PCDHGA1: variants seen among roughly 807,000 people sequenced by gnomAD.
PCDHGA1 encodes the protein protocadherin gamma-A1.
PCDHGA1 carries 32 observed loss-of-function variants against 58.0 expected under a neutral mutation model. The observed-to-expected ratio is 0.55, with a 90% CI of 0.42 to 0.74. PCDHGA1 has a LOEUF of 0.74. PCDHGA1 is among the 30% of genes least tolerant of loss of function. The probability of loss-of-function intolerance (pLI) is 0.00; values close to 1 mark genes in which losing one functional copy is unlikely to be tolerated. For missense variants in PCDHGA1, 1,205 were observed against 1,182.3 expected, an observed-to-expected ratio of 1.02 and a Z score of -0.28; for synonymous variants, 498 against 501.1, an observed-to-expected ratio of 0.99 and a Z score of 0.08.
At position 141,476,318 on chromosome 5, in the gene PCDHGA1, G is replaced by A. The variant is rs767809530; in HGVS notation, c.2422-18489G>A. ...TAGCCTCTCAGCCCGCAGGTTCCGG[G>A]TGGTGTCTGGAGCTAGCCGAAGATT... is the stretch of plus-strand genomic sequence containing the variant. On this transcript the variant is annotated intron_variant, in intron 1 of 3. Coordinates refer to ENST00000517417, the MANE Select transcript of PCDHGA1 (RefSeq NM_018912.3). This position sits in a 1 kb window ranked among gnomAD's most constrained non-coding sequence, Gnocchi z 7.6. The A allele has an allele frequency of 6.2e-6, 10 of 1,614,084 alleles. No homozygotes were observed. Among genetic ancestry groups the A allele is most frequent in the Non-Finnish European group, 7.6e-6 (9 of 1,180,060 alleles).
At position 141,399,508 on chromosome 5, in the gene PCDHGA1, A is replaced by C. The variant is rs780948105; in HGVS notation, c.2421+66403A>C. ...CTACTTAGTCAGTGTACCCGAAAAC[A>C]ACCCTCCTGGGGCCTCCATCGCGCA... On this transcript the variant is annotated intron_variant, in intron 1 of 3. Coordinates refer to ENST00000517417, the MANE Select transcript of PCDHGA1 (RefSeq NM_018912.3). 3.2e-5 allele frequency: 51 copies of C among 1,613,904 alleles called. No homozygotes were observed. In the African/African-American group the frequency reaches 6.7e-4, roughly 21 times the overall value.
At chr5:141,385,129 G>T in intron 1 of PCDHGA1, 1 of 1,614,200 alleles carries the variant, frequency 6.2e-7, no homozygotes, top group South Asian at 1.1e-5. Context: ...TGTGGGCATG[G>T]ACGGGGTGCA....
chr5:141,362,338 C>T lies in PCDHGA1; in HGVS notation c.2421+29233C>T, dbSNP rs760109365. ...TTTTCAGCCTGGTCTCAGCTCCAAG[C>T]CTGGACCTGGGGTTCTCCCCAATTA... On this transcript the variant is annotated intron_variant, in intron 1 of 3. Coordinates refer to ENST00000517417, the MANE Select transcript of PCDHGA1 (RefSeq NM_018912.3). The T allele has an allele frequency of 9.3e-6, 15 of 1,614,070 alleles. No homozygotes were observed. In the South Asian group the frequency reaches 1.6e-4, roughly 18 times the overall value.
At chr5:141,484,047 TC>T (rs1351554084) in intron 1 of PCDHGA1, among the ~76,000 whole-genome samples, 1 of 151,912 alleles carries the variant, frequency 6.6e-6, no homozygotes, top group African/African-American at 2.4e-5. Context: ...CTCCAAGAGG[TC>T]CCCTGGGGCT....
intron 1 of PCDHGA1, chr5:141,384,201 G>A (rs369190060): frequency 3.7e-6 from 6 of 1,613,802 alleles, no homozygotes; most frequent in Admixed American, 1.7e-5. Flanking sequence ...CCTTGTCCAG[G>A]GAAACTCACA....
intron 1 of PCDHGA1, chr5:141,405,033 T>TTGTGGC: frequency 6.2e-7 from 1 of 1,613,962 alleles, no homozygotes; most frequent in Non-Finnish European, 8.5e-7. Context: ...CTCTACCTCG[T>TTGTGGC]TGTGGCTGTG....
chr5:141,360,432 G>A lies in PCDHGA1; in HGVS notation c.2421+27327G>A, dbSNP rs753356248. Reference sequence around the variant, plus strand: ...ACCGAGAACAGATATGCGGGAAGCAGCCTCTGTGTGTTCTGGATTTCGATA... The same window carrying A: ...ACCGAGAACAGATATGCGGGAAGCAACCTCTGTGTGTTCTGGATTTCGATA... On this transcript the variant is annotated intron_variant, in intron 1 of 3. Coordinates refer to ENST00000517417, the MANE Select transcript of PCDHGA1 (RefSeq NM_018912.3). 45 of 1,613,876 alleles carry A rather than the reference G, an allele frequency of 2.8e-5. No homozygotes were observed. In the Admixed American group the frequency reaches 6.8e-4, roughly 25 times the overall value.
At chr5:141,365,022 C>G in intron 1 of PCDHGA1, 1 of 1,613,864 alleles carries the variant, frequency 6.2e-7, no homozygotes. Context: ...ATCCGTGTTA[C>G]GGTCCTCGAC....
intron 1 of PCDHGA1, among the ~76,000 whole-genome samples, chr5:141,433,395 CTATCTA>C (rs1561869588): frequency 2.0e-5 from 3 of 150,654 alleles, no homozygotes; most frequent in African/African-American, 7.3e-5. Flanking sequence ...ATCTATCTAT[CTATCTA>C]TCTATTACTT....
chr5:141,374,469 A>C (rs1770516740), intron 1 of PCDHGA1: 1 of 1,612,580 alleles, frequency 6.2e-7, no homozygotes, highest in Admixed American at 1.7e-5. Context: ...ATTAATGACA[A>C]TACACCCCGA....
At chr5:141,395,309 CATT>C in intron 1 of PCDHGA1, 1 of 1,506,030 alleles carries the variant, frequency 6.6e-7, no homozygotes, top group Non-Finnish European at 8.9e-7. Flanking sequence ...TTTTGAAAAA[CATT>C]GTGAAGATAG....
At chr5:141,407,549 T>C (rs1159197129) in intron 1 of PCDHGA1, among the ~76,000 whole-genome samples, 4 of 151,912 alleles carry the variant, frequency 2.6e-5, no homozygotes, top group African/African-American at 9.7e-5. Flanking sequence ...TAACAGATTG[T>C]AGAACATAAG....
At chr5:141,362,101 G>A in intron 1 of PCDHGA1, 1 of 1,613,846 alleles carries the variant, frequency 6.2e-7, no homozygotes, top group East Asian at 2.2e-5. Flanking sequence ...GCCACTCTCC[G>A]CTACGGCCAC....
At position 141,489,072 on chromosome 5, in the gene PCDHGA1, A is replaced by AC; in HGVS notation, c.2422-5730dup. The AC allele has an allele frequency of 1.3e-5, 2 of 157,710 alleles. No homozygotes were observed. Among genetic ancestry groups the AC allele is most frequent in the Non-Finnish European group, 1.2e-5 (1 of 83,996 alleles). 9.8% of individuals were successfully genotyped at this position (157,710 alleles called of 1,614,324 possible). A position where few individuals can be genotyped will look rare whatever the true frequency, so the allele number is the denominator to read the frequency against. On this transcript the variant is annotated intron_variant, in intron 1 of 3. Transcript: ENST00000517417. This position sits in a 1 kb window ranked among gnomAD's most constrained non-coding sequence, Gnocchi z 4.5. The stretch of plus-strand genomic sequence containing the variant: ...AATTCAGCTCCCCTCCCCCCTGCCC[A>AC]CCCCCGCCACTCGGTGACTAAGAAC...
chr5:141,371,323 AAGAG>A, intron 1 of PCDHGA1: 4 of 1,614,012 alleles, frequency 2.5e-6, no homozygotes, highest in Non-Finnish European at 3.4e-6. Flanking sequence ...CTGGACTTTG[AAGAG>A]AGAGATAGCT....
At chr5:141,465,150 G>A (rs192648619) in intron 1 of PCDHGA1, among the ~76,000 whole-genome samples, 474 of 151,492 alleles carry the variant, frequency 3.1e-3, no homozygotes, top group Middle Eastern at 0.024. Context: ...GATATATGAA[G>A]GGACTCTAAA....
chr5:141,347,781 C>T (rs1219258137), intron 1 of PCDHGA1, among the ~76,000 whole-genome samples: 1 of 145,442 alleles, frequency 6.9e-6, no homozygotes, highest in East Asian at 2.0e-4. Context: ...AGAGAGACTC[C>T]ATCTCAAAAA....
intron 1 of PCDHGA1, chr5:141,361,352 C>G: frequency 6.2e-7 from 1 of 1,613,998 alleles, no homozygotes; most frequent in Non-Finnish European, 8.5e-7. Flanking sequence ...AAACTAGTGA[C>G]AGACGGCGCT....
chr5:141,432,172 C>T lies in PCDHGA1; in HGVS notation c.2422-62635C>T, dbSNP rs562175068. ...AGAACAATCCCAGAGGAGTTTCCCT[C>T]GTCTCTGTGACCGCCCACGACCCCG... On this transcript the variant is annotated intron_variant, in intron 1 of 3. Coordinates refer to ENST00000517417, the MANE Select transcript of PCDHGA1 (RefSeq NM_018912.3). This position sits in a 1 kb window ranked among gnomAD's most constrained non-coding sequence, Gnocchi z 6.0. 22 of 1,614,152 alleles carry T rather than the reference C, an allele frequency of 1.4e-5. No individual in the cohort carries two copies. In the Admixed American group the frequency reaches 3.5e-4, roughly 26 times the overall value.
Sources: allele counts gnomAD v4.1 joint callset (sites outside exome capture counted in the v4.1 genomes callset), GRCh38; gene constraint gnomAD v4.1.1; non-coding constraint Gnocchi (gnomAD v3.1); transcripts MANE v1.5; gene names NCBI Gene and HGNC (gene_info 2026-07-23, HGNC 2026-07-21).